Variants in RADIL observed in about 807,000 individuals in gnomAD.
RADIL encodes Rap associating with DIL domain, also known as ras-associating and dilute domain-containing protein.
A neutral mutation model predicts 97.6 loss-of-function variants in RADIL; 99 were observed. That is an observed-to-expected ratio of 1.01 (90% CI 0.86 to 1.20). The LOEUF (loss-of-function observed/expected upper bound fraction) is 1.20. Among genes scored for constraint, RADIL ranks in the 50% most tolerant of loss-of-function variants. The pLI, the probability that RADIL is intolerant of heterozygous loss-of-function variation, is 0.00. For synonymous variants in RADIL, 803 were observed against 691.8 expected (o/e 1.16, Z -2.52); for missense variants, 1,765 against 1,498.9 (o/e 1.18, Z -2.93).
chr7:4,830,363 C>T (rs1314754204), intron 5 of RADIL, among the ~76,000 whole-genome samples: 1 of 151,794 alleles, frequency 6.6e-6, no homozygotes, highest in African/African-American at 2.4e-5. Flanking sequence ...AGGGGCTGCA[C>T]GTCTGTATCA....
chr7:4,879,276 G>A lies in RADIL; in HGVS notation c.-64-1073C>T, dbSNP rs1001581830. Among the ~76,000 whole-genome samples the A allele has an allele frequency of 7.9e-5, 12 of 152,338 alleles. No individual in the cohort carries two copies. In the South Asian group the frequency reaches 1.4e-3, roughly 18 times the overall value. On this transcript the variant is annotated intron_variant, in intron 1 of 14. Coordinates refer to ENST00000399583, the MANE Select transcript of RADIL (RefSeq NM_018059.5). This position sits in a 1 kb window ranked among gnomAD's most constrained non-coding sequence, Gnocchi z 4.1. ...CAATCACACTTCTAATGTCCGTAGC[G>A]TGCCCAGGGCCAGGAGTTCCAGATG...
At chr7:4,830,676 G>A (rs1027952969) in intron 5 of RADIL, among the ~76,000 whole-genome samples, 7 of 152,062 alleles carry the variant, frequency 4.6e-5, no homozygotes, top group Admixed American at 6.6e-5. Flanking sequence ...TCAGGAGTTC[G>A]AGACCAGCCT....
At chr7:4,810,052 A>G (rs1782495525) in intron 9 of RADIL, among the ~76,000 whole-genome samples, 2 of 152,176 alleles carry the variant, frequency 1.3e-5, no homozygotes, top group African/African-American at 4.8e-5. Context: ...ATGAGGTTTC[A>G]GTGGTGGCCA....
intron 9 of RADIL, among the ~76,000 whole-genome samples, chr7:4,808,023 TCCATCTTTCTCC>T (rs2115172366): frequency 2.6e-5 from 2 of 78,238 alleles, no homozygotes; most frequent in African/African-American, 1.0e-4. Context: ...CTCCTCTCCC[TCCATCTTTCTCC>T]GCTCCTTCCT....
At chr7:4,856,720 A>C (rs1172348786) in intron 2 of RADIL, among the ~76,000 whole-genome samples, 1 of 152,224 alleles carries the variant, frequency 6.6e-6, no homozygotes, top group East Asian at 1.9e-4. Flanking sequence ...TTGATATAGC[A>C]AGAGGTTAAT....
rs376603455 is a variant in RADIL at position 4,834,564 on chromosome 7, C to G, written c.1416+43G>C. On this transcript the variant is annotated intron_variant, in intron 4 of 14. Coordinates refer to ENST00000399583, the MANE Select transcript of RADIL (RefSeq NM_018059.5). The surrounding 1 kb of genome is among the most constrained non-coding windows in gnomAD (Gnocchi z 6.0). ...GCCAGCTCCGGGCCCCCTCTTCCCC[C>G]AGACCGGCACAGGACCCAGACCGCC... The G allele has an allele frequency of 1.8e-4, 238 of 1,304,030 alleles. No individual in the cohort carries two copies. Among genetic ancestry groups the G allele is most frequent in the Non-Finnish European group, 1.8e-4 (188 of 1,022,642 alleles). 80.8% of individuals were successfully genotyped at this position (1,304,030 alleles called of 1,614,324 possible). A position where few individuals can be genotyped will look rare whatever the true frequency, so the allele number is the denominator to read the frequency against.
intron 5 of RADIL, 27 bp downstream of exon 5, chr7:4,832,114 C>T (rs368303926): frequency 2.9e-5 from 47 of 1,603,788 alleles, no homozygotes; most frequent in South Asian, 2.9e-4. Context: ...TGCCCAGAGG[C>T]GGGCACAATA....
intron 13 of RADIL, 80 bp from the exon 14 acceptor site, chr7:4,799,849 G>A: frequency 7.0e-7 from 1 of 1,433,274 alleles, no homozygotes; most frequent in Non-Finnish European, 9.1e-7. Context: ...CCCTCCCTTG[G>A]CACCTACAGG....
intron 2 of RADIL, chr7:4,865,862 T>G: frequency 1.5e-6 from 1 of 679,338 alleles, no homozygotes; most frequent in South Asian, 1.6e-5. Context: ...GAGATATGTT[T>G]AGACACACAA....
intron 1 of RADIL, among the ~76,000 whole-genome samples, chr7:4,881,563 C>T (rs1212318506): frequency 6.6e-6 from 1 of 151,306 alleles, no homozygotes; most frequent in Non-Finnish European, 1.5e-5. Flanking sequence ...CCTGTCTCCA[C>T]TAAAAATACA....
chr7:4,836,530 C>T lies in RADIL; in HGVS notation c.611G>A (p.Arg204Gln), dbSNP rs1304492591. 1.9e-6 allele frequency: 3 copies of T among 1,607,480 alleles called. No homozygotes were observed. The highest frequency in any genetic ancestry group is 3.4e-5 in the Admixed American group (2 of 59,504). Reference sequence around the variant, plus strand: ...GCGCAACCGGGGTGGAGGAGAGCTCCGGGCATCCCCCAGGGCCGGGGTCGG... The same window carrying T: ...GCGCAACCGGGGTGGAGGAGAGCTCTGGGCATCCCCCAGGGCCGGGGTCGG... The part of the protein sequence containing the change: ...GTPTPALGDA[R>Q]SSPPPRLRRT... The change falls in exon 3 of 15, where the codon CGG becomes CAG. Residue 204 changes from arginine (R) to glutamine (Q), a missense_variant. Coordinates refer to ENST00000399583, the MANE Select transcript of RADIL (RefSeq NM_018059.5).
chr7:4,806,001 C>T (rs1782295185), intron 9 of RADIL: 2 of 985,358 alleles, frequency 2.0e-6, no homozygotes, highest in Admixed American at 6.1e-5. Context: ...AGGCGGCCGC[C>T]AACCAGAGAA....
intron 2 of RADIL, among the ~76,000 whole-genome samples, chr7:4,841,652 G>A (rs1290911973): frequency 6.6e-6 from 1 of 152,210 alleles, no homozygotes; most frequent in African/African-American, 2.4e-5. Flanking sequence ...TGGGTAACTG[G>A]GACCTTGGTG....
chr7:4,861,057 T>G (rs1783978176), intron 2 of RADIL: 1 of 1,614,130 alleles, frequency 6.2e-7, no homozygotes, highest in South Asian at 1.1e-5. Flanking sequence ...GCTACTAGCA[T>G]GGCCCAGGAA....
chr7:4,823,247 G>A (rs1046495615), intron 5 of RADIL, among the ~76,000 whole-genome samples: 13 of 151,982 alleles, frequency 8.6e-5, no homozygotes, highest in Admixed American at 2.0e-4. Context: ...CCTGAGGTCA[G>A]GAGTTCGAGA....
intron 2 of RADIL, chr7:4,860,824 G>GC (rs1288570393): frequency 5.6e-6 from 9 of 1,613,992 alleles, no homozygotes; most frequent in Non-Finnish European, 7.6e-6. Context: ...AAATAGACAC[G>GC]TTGTATGTGG....
At chr7:4,861,482 G>GTA (rs753372017) in intron 2 of RADIL, 1 of 1,613,958 alleles carries the variant, frequency 6.2e-7, no homozygotes, top group Non-Finnish European at 8.5e-7. Context: ...TGCGCCTTTC[G>GTA]TATGTACTCC....
In RADIL at chr7:4,799,657, C is replaced by T. The variant is rs374911868; in HGVS notation, c.3095G>A (p.Ser1032Asn). The T allele has an allele frequency of 3.1e-6, 5 of 1,600,026 alleles. No individual in the cohort carries two copies. Among genetic ancestry groups the T allele is most frequent in the South Asian group, 1.1e-5 (1 of 89,256 alleles). The stretch of plus-strand genomic sequence containing the variant: ...CAGGTAGCCAAGGCCCAGGAGGCTG[C>T]TGCCATTCACCTCCAGGATACGGTC... ...LGDRILEVNG[S>N]SLLGLGYLRA... is the part of the protein sequence containing the mutation. Residue 1032 changes from serine (S) to asparagine (N), a missense_variant, in exon 14 of 15, where the codon AGC becomes AAC. Ser to Asn is a conservative substitution (Grantham distance 46). Transcript: ENST00000399583.
At position 4,840,991 on chromosome 7, in the gene RADIL, G is replaced by A. The variant is rs991881267; in HGVS notation, c.536-4386C>T. On this transcript the variant is annotated intron_variant, in intron 2 of 14. Transcript: ENST00000399583. The surrounding 1 kb of genome is among the most constrained non-coding windows in gnomAD (Gnocchi z 5.6). The stretch of plus-strand genomic sequence containing the variant: ...CAAAACAAAACAAAACAACAACAAC[G>A]AAAAGAAACCACTATTTCAAAACAA... Among the ~76,000 whole-genome samples the A allele has an allele frequency of 6.6e-6, 1 of 152,156 alleles. No homozygotes were observed. Among genetic ancestry groups the A allele is most frequent in the Non-Finnish European group, 1.5e-5 (1 of 68,034 alleles).
Sources: gnomAD v4.1 joint callset for allele counts (sites outside exome capture counted in the v4.1 genomes callset) on GRCh38, gnomAD v4.1.1 for gene constraint, Gnocchi (gnomAD v3.1) non-coding constraint, MANE v1.5 for transcripts, NCBI Gene and HGNC (gene_info 2026-07-23, HGNC 2026-07-21) for gene names.